Variants in TFG observed in about 807,000 individuals in gnomAD.
TFG encodes protein TFG.
TFG carries 22 observed loss-of-function variants against 51.4 expected under a neutral mutation model. That is an observed-to-expected ratio of 0.43 (90% CI 0.31 to 0.61). The LOEUF is 0.61. Ranked by LOEUF, TFG falls within the 20% of genes least tolerant of loss-of-function variation. The pLI is 0.12. For missense variants in TFG, 419 were observed against 487.7 expected (o/e 0.86, Z 1.33); for synonymous variants, 187 against 165.6 (o/e 1.13, Z -0.99).
At position 100,748,177 on chromosome 3, in the gene TFG, A is replaced by G. The variant is rs148835012; in HGVS notation, c.849A>G (p.Gln283=). The G allele has an allele frequency of 4.8e-5, 78 of 1,613,946 alleles. No individual in the cohort carries two copies. The highest frequency in any genetic ancestry group is 4.4e-4 in the African/African-American group (33 of 74,926). The change falls in exon 8 of 8, where the codon CAA becomes CAG. Residue 283 remains glutamine, a synonymous_variant. Transcript: ENST00000240851. ...SASYSQQTGP[Q]QPQQFQGYGQ... is the part of the protein sequence containing the mutation. ...GCTATAGTCAGCAGACTGGACCTCA[A>G]CAACCTCAGCAGTTCCAGGGATATG...
chr3:100,719,048 A>G (rs6775161), intron 2 of TFG, among the ~76,000 whole-genome samples: 63,322 of 152,076 alleles, frequency 0.42, 13,593 homozygotes, highest in African/African-American at 0.49. Flanking sequence ...GTTTATGAAA[A>G]TTGAACATTA....
At chr3:100,722,344 CA>C (rs1426668675) in intron 3 of TFG, among the ~76,000 whole-genome samples, 45 of 152,010 alleles carry the variant, frequency 3.0e-4, no homozygotes, top group African/African-American at 1.0e-3. Flanking sequence ...AAAGGAAATC[CA>C]AAGAAATTAC....
At chr3:100,721,154 A>G (rs1297224808) in intron 3 of TFG, among the ~76,000 whole-genome samples, 3 of 152,228 alleles carry the variant, frequency 2.0e-5, no homozygotes, top group Admixed American at 1.3e-4. Context: ...TTGACTAGGC[A>G]TAAAGCAGAT....
chr3:100,713,865 T>C lies in TFG; in HGVS notation c.180T>C (p.Asp60=), dbSNP rs1410204185. Reference sequence around the variant, plus strand: ...ATGAAGTAACAATAAAGTATAAAGATGAAGGTAAGAGTGTTTTTAAAGCTA... The same window carrying C: ...ATGAAGTAACAATAAAGTATAAAGACGAAGGTAAGAGTGTTTTTAAAGCTA... The part of the protein sequence containing the change: ...SNDEVTIKYK[D]EDGDLITIFD... The change falls in exon 2 of 8, where the codon GAT becomes GAC. Residue 60 remains aspartate (D), a synonymous_variant. Coordinates refer to ENST00000240851, the MANE Select transcript of TFG (RefSeq NM_006070.6). 6.7e-7 allele frequency: 1 copy of C among 1,492,086 alleles called. No homozygotes were observed. Among genetic ancestry groups the C allele is most frequent in the Admixed American group, 1.9e-5 (1 of 52,974 alleles). 92.4% of individuals were successfully genotyped at this position (1,492,086 alleles called of 1,614,324 possible).
intron 3 of TFG, among the ~76,000 whole-genome samples, chr3:100,726,057 T>C (rs1423516369): frequency 6.6e-6 from 1 of 152,072 alleles, no homozygotes; most frequent in Non-Finnish European, 1.5e-5. Context: ...CTGATGCTGA[T>C]AGTGGCTCAG....
At chr3:100,727,473 T>A (rs765206014) in intron 3 of TFG, among the ~76,000 whole-genome samples, 4 of 152,204 alleles carry the variant, frequency 2.6e-5, no homozygotes, top group African/African-American at 9.6e-5. Flanking sequence ...CCTTTTCTAA[T>A]TAGGTGCTTC....
intron 4 of TFG, among the ~76,000 whole-genome samples, chr3:100,732,209 T>A (rs1284204441): frequency 6.6e-6 from 1 of 152,224 alleles, no homozygotes; most frequent in Non-Finnish European, 1.5e-5. Flanking sequence ...AAGTAAAATG[T>A]TTCTCTTTAT....
At chr3:100,723,881 G>A (rs28469597) in intron 3 of TFG, among the ~76,000 whole-genome samples, 4,523 of 151,752 alleles carry the variant, frequency 0.03, 185 homozygotes, top group African/African-American at 0.092. Flanking sequence ...TTGACTGTAA[G>A]TCAAGTCTTC....
In TFG at chr3:100,720,044, A is replaced by C. The variant is rs1335010812; in HGVS notation, c.254A>C (p.Lys85Thr). The C allele has an allele frequency of 1.3e-6, 2 of 1,562,342 alleles. No homozygotes were observed. The highest frequency in any genetic ancestry group is 1.7e-6 in the Non-Finnish European group (2 of 1,154,346). ...GCAATTCAGTGCAGTAGGATACTGA[A>C]ACTGACATTATTTGGTGAGTAGTAA... ...SFAIQCSRIL[K>T]LTLFVNGQPR... The change falls in exon 3 of 8, where the codon AAA (lysine) becomes ACA (threonine). Residue 85 changes from lysine to threonine, a missense_variant. This residue lies in a region of TFG where 391 missense variants were observed against 434.4 expected (regional missense o/e 0.90). Coordinates refer to ENST00000240851, the MANE Select transcript of TFG (RefSeq NM_006070.6).
intron 3 of TFG, among the ~76,000 whole-genome samples, chr3:100,727,041 G>T (rs949853851): frequency 1.3e-5 from 2 of 152,182 alleles, no homozygotes; most frequent in African/African-American, 2.4e-5. Context: ...TCATTTTTCT[G>T]GTGTGGTCAG....
chr3:100,714,135 A>G (rs2095038899), intron 2 of TFG, among the ~76,000 whole-genome samples: 1 of 152,102 alleles, frequency 6.6e-6, no homozygotes, highest in Non-Finnish European at 1.5e-5. Context: ...TCTTCACGGT[A>G]GTTGAGACCT....
rs72928625 is a variant in TFG, at chr3:100,732,722, G to A, written c.580+50G>A. On this transcript the variant is annotated intron_variant, in intron 5 of 7. Coordinates refer to ENST00000240851, the MANE Select transcript of TFG (RefSeq NM_006070.6). ...CACCCTTCGTTTCCTTCATCTTTCCGTTCTTCCCTTTCCTTCTTTCTTTAA... is the reference window on the plus strand; with the variant it reads ...CACCCTTCGTTTCCTTCATCTTTCCATTCTTCCCTTTCCTTCTTTCTTTAA... 4,846 of 1,418,672 alleles carry A rather than the reference G, an allele frequency of 3.4e-3. 140 individuals carry two copies. In the African/African-American group the frequency reaches 0.061, roughly 18 times the overall value. The allele number at this position is 1,418,672 out of a possible 1,614,324, so 87.9% of individuals were successfully genotyped here. A position where few individuals can be genotyped will look rare whatever the true frequency, so the allele number is the denominator to read the frequency against.
At chr3:100,735,219 A>G (rs192373517) in intron 5 of TFG, among the ~76,000 whole-genome samples, 34 of 152,264 alleles carry the variant, frequency 2.2e-4, no homozygotes, top group Non-Finnish European at 4.1e-4. Flanking sequence ...TACCACTATT[A>G]TATCCTAGTT....
intron 5 of TFG, among the ~76,000 whole-genome samples, chr3:100,734,054 T>G (rs963121405): frequency 6.9e-6 from 1 of 145,658 alleles, no homozygotes. Context: ...GTCACAGAAG[T>G]TTTTTTTTTT....
intron 6 of TFG, chr3:100,744,176 C>T (rs1449971058): frequency 1.3e-5 from 2 of 152,174 alleles, no homozygotes; most frequent in Non-Finnish European, 2.9e-5. Flanking sequence ...ACAAATAGGA[C>T]TCCCATGTTC....
chr3:100,717,799 T>TG (rs1436339605), intron 2 of TFG, among the ~76,000 whole-genome samples: 1 of 152,218 alleles, frequency 6.6e-6, no homozygotes, highest in Non-Finnish European at 1.5e-5. Flanking sequence ...TTTAGGTTTT[T>TG]GTTTATATAA....
intron 4 of TFG, among the ~76,000 whole-genome samples, chr3:100,730,922 G>A (rs913418619): frequency 1.3e-5 from 2 of 152,208 alleles, no homozygotes; most frequent in African/African-American, 4.8e-5. Context: ...ATGCTCTTGG[G>A]ATTAGAGGAA....
intron 3 of TFG, among the ~76,000 whole-genome samples, chr3:100,725,980 G>A (rs1034296319): frequency 1.3e-5 from 2 of 152,248 alleles, no homozygotes; most frequent in Admixed American, 1.3e-4. Context: ...TTTTTAGGGA[G>A]AATTGCAAGG....
At chr3:100,717,519 G>A (rs2095049426) in intron 2 of TFG, among the ~76,000 whole-genome samples, 2 of 149,174 alleles carry the variant, frequency 1.3e-5, no homozygotes, top group Admixed American at 1.3e-4. Flanking sequence ...AACAATATTT[G>A]TTCTTATATA....
Sources: allele counts gnomAD v4.1 joint callset (sites outside exome capture counted in the v4.1 genomes callset), GRCh38; gene constraint gnomAD v4.1.1; regional missense constraint gnomAD v4.1.1; transcripts MANE v1.5; gene names NCBI Gene and HGNC (gene_info 2026-07-23, HGNC 2026-07-21).